Variants in EFEMP1 observed in about 807,000 individuals in gnomAD.
The protein encoded by EFEMP1 is EGF-containing fibulin-like extracellular matrix protein 1.
A neutral mutation model predicts 65.7 loss-of-function variants in EFEMP1; 18 were observed. The observed-to-expected ratio is 0.27, with a 90% CI of 0.19 to 0.41. The LOEUF is 0.41. Among genes scored for constraint, EFEMP1 ranks in the 10% least tolerant of loss-of-function variants. The pLI is 1.00. For missense variants in EFEMP1, 469 were observed against 624.8 expected (o/e 0.75, Z 2.66); for synonymous variants, 237 against 219.7 (o/e 1.08, Z -0.70).
At position 55,874,751 on chromosome 2, in the gene EFEMP1, G is replaced by A. The variant is rs577840781; in HGVS notation, c.1000+195C>T. Among the ~76,000 whole-genome samples, 20 of 151,890 alleles carry A rather than the reference G, an allele frequency of 1.3e-4. No homozygotes were observed. The South Asian group carries it at 3.7e-3, about 28-fold the overall frequency. ...TTAAAATTATTTATCTTTTAAGGAC[G>A]AAAAATGTCGGCATTAGCATAGAAT... On this transcript the variant is annotated intron_variant, in intron 9 of 11. Transcript: ENST00000355426.
At chr2:55,899,305 A>C (rs1669947366) in intron 5 of EFEMP1, among the ~76,000 whole-genome samples, 1 of 152,236 alleles carries the variant, frequency 6.6e-6, no homozygotes, top group Admixed American at 6.5e-5. Context: ...CTTATGTTAC[A>C]TCTTCAGACA....
rs536074831 is a variant in EFEMP1 at position 55,867,526 on chromosome 2, G to A, written c.1321-292C>T. Among the ~76,000 whole-genome samples, 2 of 151,130 alleles carry A rather than the reference G, an allele frequency of 1.3e-5. No homozygotes were observed. Among genetic ancestry groups the A allele is most frequent in the South Asian group, 4.2e-4 (2 of 4,796 alleles). ...TTCTTCACTTTTATTGAGTAGTTGT[G>A]GACTTTACAGAGACTAGAGCTTAAG... On this transcript the variant is annotated intron_variant, in intron 11 of 11. Transcript: ENST00000355426. This position sits in a 1 kb window ranked among gnomAD's most constrained non-coding sequence, Gnocchi z 4.3.
chr2:55,878,948 T>G (rs759841738), intron 6 of EFEMP1, among the ~76,000 whole-genome samples: 23 of 152,176 alleles, frequency 1.5e-4, no homozygotes, highest in Non-Finnish European at 2.8e-4. Flanking sequence ...AATACTGAAA[T>G]AAATAGTAAG....
Position 55,871,426 on chromosome 2 carries a change from C to T in EFEMP1, c.1001-303G>A, listed in dbSNP as rs143573058. Among the ~76,000 whole-genome samples the T allele has an allele frequency of 6.6e-6, 1 of 152,090 alleles. No individual in the cohort carries two copies. Among genetic ancestry groups the T allele is most frequent in the African/African-American group, 2.4e-5 (1 of 41,426 alleles). On this transcript the variant is annotated intron_variant, in intron 9 of 11. Coordinates refer to ENST00000355426, the MANE Select transcript of EFEMP1 (RefSeq NM_001039348.3). The surrounding 1 kb of genome is among the most constrained non-coding windows in gnomAD (Gnocchi z 4.2). ...CTCTGCCTATATAAAAGTTAAACAC[C>T]AGTTCTTGTCATCAGGGACATTATA...
At chr2:55,920,927 G>C (rs1296278971) in intron 3 of EFEMP1, among the ~76,000 whole-genome samples, 1 of 152,044 alleles carries the variant, frequency 6.6e-6, no homozygotes, top group African/African-American at 2.4e-5. Context: ...AGCACAAAAG[G>C]GTAACATATC....
At chr2:55,918,419 G>C (rs370957225) in intron 3 of EFEMP1, 152 bp from the exon 4 acceptor site, 1 of 937,262 alleles carries the variant, frequency 1.1e-6, no homozygotes, top group South Asian at 1.4e-5. Flanking sequence ...ACATTCTATC[G>C]CTTTTTTTTC....
intron 8 of EFEMP1, among the ~76,000 whole-genome samples, chr2:55,876,323 C>T (rs116780593): frequency 0.011 from 1,627 of 152,254 alleles, 28 homozygotes; most frequent in African/African-American, 0.037. Context: ...TTCTCATAAG[C>T]TCCCAGGAGG....
chr2:55,869,334 G>A (rs897810557), intron 11 of EFEMP1, among the ~76,000 whole-genome samples: 1 of 152,070 alleles, frequency 6.6e-6, no homozygotes, highest in Non-Finnish European at 1.5e-5. Context: ...GCTAGAATTA[G>A]TTAATTGGTA....
At chr2:55,887,912 A>C (rs1034387596) in intron 5 of EFEMP1, among the ~76,000 whole-genome samples, 17 of 152,158 alleles carry the variant, frequency 1.1e-4, no homozygotes, top group African/African-American at 4.1e-4. Flanking sequence ...GCTACTTCGA[A>C]TTGCTTTTCT....
chr2:55,874,503 G>A (rs1668947203), intron 9 of EFEMP1, among the ~76,000 whole-genome samples: 1 of 151,946 alleles, frequency 6.6e-6, no homozygotes, highest in Non-Finnish European at 1.5e-5. Flanking sequence ...CAACATATTA[G>A]GCTGACTTTT....
intron 5 of EFEMP1, among the ~76,000 whole-genome samples, chr2:55,913,396 A>G (rs2033316): frequency 0.28 from 42,004 of 151,906 alleles, 6,847 homozygotes; most frequent in African/African-American, 0.44. Flanking sequence ...ACTTTATTGG[A>G]CATTCGTACT....
chr2:55,919,361 C>A lies in EFEMP1; in HGVS notation c.82-1094G>T, dbSNP rs529655520. ...TCTTGTTAAAATGAAGATTCCTGGGCCCACCCAAAGGATTTGATTCTGTAG... is the reference window on the plus strand; with the variant it reads ...TCTTGTTAAAATGAAGATTCCTGGGACCACCCAAAGGATTTGATTCTGTAG... On this transcript the variant is annotated intron_variant, in intron 3 of 11. Transcript: ENST00000355426. The surrounding 1 kb of genome is among the most constrained non-coding windows in gnomAD (Gnocchi z 4.5). 6.6e-6 allele frequency among the ~76,000 whole-genome samples: 1 copy of A among 152,230 alleles called. No homozygotes were observed. The highest frequency in any genetic ancestry group is 2.4e-5 in the African/African-American group (1 of 41,524).
At position 55,870,663 on chromosome 2, in the gene EFEMP1, C is replaced by CAACAA; in HGVS notation, c.1320+52_1320+56dup. On this transcript the variant is annotated intron_variant, in intron 11 of 11. Transcript: ENST00000355426. This position sits in a 1 kb window ranked among gnomAD's most constrained non-coding sequence, Gnocchi z 5.8. ...TACCACACAACAACAACAACAACAA[C>CAACAA]AACAACAACAAACTCCCATCTTTCT... 1 of 1,602,662 alleles carries CAACAA rather than the reference C, an allele frequency of 6.2e-7. No homozygotes were observed. Among genetic ancestry groups the CAACAA allele is most frequent in the Non-Finnish European group, 8.5e-7 (1 of 1,171,708 alleles).
At chr2:55,889,409 A>C (rs1027580151) in intron 5 of EFEMP1, among the ~76,000 whole-genome samples, 2 of 152,160 alleles carry the variant, frequency 1.3e-5, no homozygotes, top group African/African-American at 4.8e-5. Flanking sequence ...CCTTCAGAGA[A>C]TGTTACTTTC....
intron 5 of EFEMP1, among the ~76,000 whole-genome samples, chr2:55,901,514 T>C (rs1419831810): frequency 6.6e-6 from 1 of 152,200 alleles, no homozygotes; most frequent in Non-Finnish European, 1.5e-5. Flanking sequence ...CTTCTTTGCC[T>C]GTGCTACTGA....
At position 55,875,081 on chromosome 2, in the gene EFEMP1, A is replaced by T. The variant is rs367687928; in HGVS notation, c.881-16T>A. The T allele has an allele frequency of 2.5e-6, 4 of 1,582,976 alleles. No individual in the cohort carries two copies. In the African/African-American group the frequency reaches 5.4e-5, roughly 21 times the overall value. The stretch of plus-strand genomic sequence containing the variant: ...TCATCAATGTCTGTTGAATTAGACA[A>T]GAGAAAGGACACAGAGTTGAAAAGT... On this transcript the variant is annotated splice_polypyrimidine_tract_variant and intron_variant, in intron 8 of 11. Coordinates refer to ENST00000355426, the MANE Select transcript of EFEMP1 (RefSeq NM_001039348.3).
intron 5 of EFEMP1, among the ~76,000 whole-genome samples, chr2:55,892,136 A>AT (rs1166617464): frequency 6.6e-6 from 1 of 152,132 alleles, no homozygotes; most frequent in Non-Finnish European, 1.5e-5. Context: ...GAGTGTTGCA[A>AT]TTCTAAAGGC....
rs1403996056 is a variant in EFEMP1 at position 55,871,243 on chromosome 2, C to T, written c.1001-120G>A. The T allele has an allele frequency of 2.1e-6, 3 of 1,402,804 alleles. No individual in the cohort carries two copies. The highest frequency in any genetic ancestry group is 3.0e-6 in the Non-Finnish European group (3 of 1,008,876). 86.9% of individuals were successfully genotyped at this position (1,402,804 alleles called of 1,614,324 possible). On this transcript the variant is annotated intron_variant, in intron 9 of 11. Transcript: ENST00000355426. The surrounding 1 kb of genome is among the most constrained non-coding windows in gnomAD (Gnocchi z 4.2). ...GGTGTGAGAGCATCTGGACTGTGTT[C>T]AACCTGCTTTTAGACACAAGACTGG...
At chr2:55,911,101 A>T (rs1215683826) in intron 5 of EFEMP1, among the ~76,000 whole-genome samples, 4 of 152,212 alleles carry the variant, frequency 2.6e-5, no homozygotes, top group African/African-American at 9.6e-5. Context: ...GCATATTTGT[A>T]GGTTTCATAG....
Sources: gnomAD v4.1 joint callset for allele counts (sites outside exome capture counted in the v4.1 genomes callset) on GRCh38, gnomAD v4.1.1 for gene constraint, Gnocchi (gnomAD v3.1) non-coding constraint, MANE v1.5 for transcripts, NCBI Gene and HGNC (gene_info 2026-07-23, HGNC 2026-07-21) for gene names.